SNX13: variants seen among roughly 807,000 people sequenced by gnomAD.
SNX13 encodes sorting nexin 13.
Under a neutral mutation model 133.6 loss-of-function variants are expected in SNX13, and 45 were observed. The ratio of observed to expected loss-of-function variants is 0.34; its 90% CI spans 0.27 to 0.43. The LOEUF (loss-of-function observed/expected upper bound fraction) is 0.43. Among genes scored for constraint, SNX13 ranks in the 20% least tolerant of loss-of-function variants. The pLI, the probability that SNX13 is intolerant of heterozygous loss-of-function variation, is 1.00. For missense variants in SNX13, 1,032 were observed against 1,145.1 expected (o/e 0.90, Z 1.43); for synonymous variants, 414 against 373.9 (o/e 1.11, Z -1.24).
At chr7:17,909,734 G>A (rs151101893) in intron 1 of SNX13, among the ~76,000 whole-genome samples, 248 of 152,234 alleles carry the variant, frequency 1.6e-3, no homozygotes, top group African/African-American at 5.5e-3. Flanking sequence ...TGGGAGGAGC[G>A]AGAGCATCAG....
intron 5 of SNX13, among the ~76,000 whole-genome samples, chr7:17,883,248 C>T (rs553954170): frequency 1.3e-5 from 2 of 152,174 alleles, no homozygotes; most frequent in East Asian, 1.9e-4. Context: ...AAAATTTACA[C>T]AGAAGTACAC....
chr7:17,857,231 G>A (rs1366691395), intron 9 of SNX13, among the ~76,000 whole-genome samples: 1 of 152,164 alleles, frequency 6.6e-6, no homozygotes, highest in Non-Finnish European at 1.5e-5. Context: ...TAATAAGACT[G>A]AGGCAGTAGT....
intron 15 of SNX13, chr7:17,832,302 G>A: frequency 2.0e-6 from 2 of 984,558 alleles, no homozygotes; most frequent in Non-Finnish European, 2.4e-6. Flanking sequence ...AGAAAGATAT[G>A]AATGGAAGCT....
rs1464216493 is a variant in SNX13 at position 17,792,066 on chromosome 7, T to C, written c.*1979A>G. Reference sequence around the variant, plus strand: ...GATGGCCAGTGCTCCTCACATTATATAGAAATGCTTTTTCACATGTACACG... The same window carrying C: ...GATGGCCAGTGCTCCTCACATTATACAGAAATGCTTTTTCACATGTACACG... On this transcript the variant is annotated 3_prime_UTR_variant, in exon 26 of 26. Transcript: ENST00000428135. 2.6e-5 allele frequency: 4 copies of C among 152,134 alleles called. No individual in the cohort carries two copies. The highest frequency in any genetic ancestry group is 1.3e-4 in the Admixed American group (2 of 15,254). 9.4% of individuals were successfully genotyped at this position (152,134 alleles called of 1,614,324 possible).
At chr7:17,877,673 T>C (rs1171457640) in intron 5 of SNX13, among the ~76,000 whole-genome samples, 1 of 152,092 alleles carries the variant, frequency 6.6e-6, no homozygotes, top group Non-Finnish European at 1.5e-5. Context: ...TCCATCTTGA[T>C]TCATTATAGA....
intron 21 of SNX13, among the ~76,000 whole-genome samples, chr7:17,801,911 T>C (rs1187883293): frequency 6.6e-6 from 1 of 152,034 alleles, no homozygotes; most frequent in Non-Finnish European, 1.5e-5. Context: ...ACTCCCATAT[T>C]TTTTAGAAGA....
At chr7:17,797,250 G>C (rs920224728) in intron 24 of SNX13, among the ~76,000 whole-genome samples, 6 of 151,758 alleles carry the variant, frequency 4.0e-5, no homozygotes, top group South Asian at 2.1e-4. Flanking sequence ...AACTCAAAGT[G>C]GGCATCTGCT....
At chr7:17,798,596 T>C in intron 24 of SNX13, 94 bp downstream of exon 24, 5 of 935,274 alleles carry the variant, frequency 5.3e-6, no homozygotes, top group Non-Finnish European at 6.5e-6. Flanking sequence ...CAACTTTATG[T>C]CCAGGAAGGA....
chr7:17,876,413 T>C (rs1447001295), intron 5 of SNX13, among the ~76,000 whole-genome samples: 1 of 152,024 alleles, frequency 6.6e-6, no homozygotes, highest in African/African-American at 2.4e-5. Flanking sequence ...AAACTGTCTC[T>C]ACAAAAATTA....
chr7:17,801,008 A>T lies in SNX13; in HGVS notation c.2298+580T>A, dbSNP rs558169079. On this transcript the variant is annotated intron_variant, in intron 22 of 25. Coordinates refer to ENST00000428135, the MANE Select transcript of SNX13 (RefSeq NM_015132.5). ...ACTTGGCAGTATCTACTAAAACTGAACATATATATATATATATATATATAT... is the reference window on the plus strand; with the variant it reads ...ACTTGGCAGTATCTACTAAAACTGATCATATATATATATATATATATATAT... 6.7e-5 allele frequency among the ~76,000 whole-genome samples: 8 copies of T among 119,276 alleles called. No homozygotes were observed. In the East Asian group the frequency reaches 1.8e-3, roughly 27 times the overall value. The allele number at this position is 119,276 out of a possible 152,430, so 78.2% of individuals were successfully genotyped here.
intron 13 of SNX13, among the ~76,000 whole-genome samples, chr7:17,839,347 G>T (rs2691606): frequency 0.29 from 43,780 of 151,228 alleles, 6,755 homozygotes; most frequent in East Asian, 0.54. Context: ...TGAAAGTGGG[G>T]TATTGAAGTC....
intron 1 of SNX13, chr7:17,899,199 T>C (rs1246531381): frequency 6.6e-6 from 1 of 152,176 alleles, no homozygotes; most frequent in Non-Finnish European, 1.5e-5. Context: ...TGGAGCACCA[T>C]TCCATGTTTT....
At chr7:17,870,333 C>T (rs1332949063) in intron 8 of SNX13, among the ~76,000 whole-genome samples, 3 of 152,110 alleles carry the variant, frequency 2.0e-5, no homozygotes, top group Non-Finnish European at 4.4e-5. Flanking sequence ...ACTCTTTCGT[C>T]TGTTATTTAA....
At chr7:17,860,075 A>G (rs1792463421) in intron 9 of SNX13, among the ~76,000 whole-genome samples, 1 of 152,182 alleles carries the variant, frequency 6.6e-6, no homozygotes. Context: ...ACTGTTTTCC[A>G]AAGTGTCTGC....
chr7:17,846,664 AT>A (rs1247551518), intron 11 of SNX13, among the ~76,000 whole-genome samples: 1 of 151,684 alleles, frequency 6.6e-6, no homozygotes, highest in East Asian at 1.9e-4. Context: ...AATGTAGAGA[AT>A]TAAAAAAAAA....
intron 5 of SNX13, among the ~76,000 whole-genome samples, chr7:17,885,602 T>C (rs1251291768): frequency 7.2e-5 from 11 of 152,182 alleles, no homozygotes; most frequent in Non-Finnish European, 1.2e-4. Flanking sequence ...CTGAGGCCAG[T>C]GGATTGCCTG....
intron 20 of SNX13, among the ~76,000 whole-genome samples, chr7:17,805,686 C>A (rs1480555023): frequency 6.6e-6 from 1 of 152,198 alleles, no homozygotes; most frequent in Non-Finnish European, 1.5e-5. Context: ...TAAATGAATA[C>A]TATCTCACAT....
chr7:17,890,556 A>C, intron 4 of SNX13, 72 bp from the exon 5 acceptor site: 2 of 1,184,858 alleles, frequency 1.7e-6, no homozygotes, highest in South Asian at 3.3e-5. Flanking sequence ...AAACTAAAAA[A>C]GTATGCTGTA....
intron 1 of SNX13, among the ~76,000 whole-genome samples, chr7:17,928,490 G>A (rs1298495543): frequency 6.6e-6 from 1 of 152,108 alleles, no homozygotes; most frequent in Non-Finnish European, 1.5e-5. Context: ...CTGAGCTTTG[G>A]CTTAAAACCC....
Sources: allele counts gnomAD v4.1 joint callset (sites outside exome capture counted in the v4.1 genomes callset), GRCh38; gene constraint gnomAD v4.1.1; transcripts MANE v1.5; gene names NCBI Gene and HGNC (gene_info 2026-07-23, HGNC 2026-07-21).